The following KIF1B variants were observed in gnomAD, a reference collection of about 807,000 sequenced individuals.
The protein encoded by KIF1B is kinesin-like protein KIF1B.
Under a neutral mutation model 241.9 loss-of-function variants are expected in KIF1B, and 76 were observed. The observed-to-expected ratio is 0.31, with a 90% CI of 0.26 to 0.38. KIF1B has a LOEUF of 0.38. KIF1B is among the 10% of genes least tolerant of loss of function. The pLI is 1.00. For synonymous variants in KIF1B, 750 were observed against 796.7 expected (o/e 0.94, Z 0.99); for missense variants, 1,622 against 2,271.4 (o/e 0.71, Z 5.81).
chr1:10,328,176 A>G (rs1029035128), intron 27 of KIF1B, among the ~76,000 whole-genome samples: 1 of 152,158 alleles, frequency 6.6e-6, no homozygotes, highest in East Asian at 1.9e-4. Flanking sequence ...GGGACAGAGC[A>G]AGACCCCAAG....
intron 27 of KIF1B, among the ~76,000 whole-genome samples, chr1:10,332,146 C>A (rs949151293): frequency 1.3e-5 from 2 of 151,126 alleles, no homozygotes; most frequent in African/African-American, 4.9e-5. Flanking sequence ...CTCACTGCAA[C>A]CTTCACCTCC....
intron 2 of KIF1B, among the ~76,000 whole-genome samples, chr1:10,244,075 ATATG>A (rs1381299090): frequency 6.6e-6 from 1 of 152,142 alleles, no homozygotes; most frequent in African/African-American, 2.4e-5. Flanking sequence ...TATACAGTGA[ATATG>A]TATAGTACAT....
intron 38 of KIF1B, among the ~76,000 whole-genome samples, chr1:10,359,230 C>G (rs1173159054): frequency 6.6e-6 from 1 of 152,160 alleles, no homozygotes; most frequent in African/African-American, 2.4e-5. Context: ...CTAGAAAAGG[C>G]AGCCATAGTG....
At chr1:10,292,584 C>A (rs1650051645) in intron 17 of KIF1B, among the ~76,000 whole-genome samples, 1 of 152,200 alleles carries the variant, frequency 6.6e-6, no homozygotes, top group South Asian at 2.1e-4. Context: ...TTATAGACAG[C>A]CATTGTACTA....
chr1:10,271,480 C>A (rs745900400), intron 7 of KIF1B, 22 bp from the exon 8 acceptor site: 1 of 1,562,324 alleles, frequency 6.4e-7, no homozygotes, highest in Non-Finnish European at 8.8e-7. Context: ...TGAATTGCCC[C>A]CATGTTATTG....
chr1:10,296,783 A>G (rs1048454517), intron 20 of KIF1B, 114 bp from the exon 21 acceptor site: 20 of 1,388,486 alleles, frequency 1.4e-5, no homozygotes, highest in Admixed American at 1.9e-5. Context: ...TTGTTCTTGT[A>G]AAAACAACAG....
chr1:10,226,645 C>T (rs1487438836), intron 1 of KIF1B, among the ~76,000 whole-genome samples: 1 of 152,142 alleles, frequency 6.6e-6, no homozygotes, highest in African/African-American at 2.4e-5. Flanking sequence ...TAATACCCAG[C>T]CTATCTTCAG....
At chr1:10,355,154 T>A (rs1274520724) in intron 38 of KIF1B, among the ~76,000 whole-genome samples, 1 of 152,202 alleles carries the variant, frequency 6.6e-6, no homozygotes, top group Non-Finnish European at 1.5e-5. Flanking sequence ...TCTGGCATTT[T>A]CCTTAGTTGG....
chr1:10,294,934 C>G (rs1156537052), intron 17 of KIF1B, 152 bp from the exon 18 acceptor site: 1 of 682,952 alleles, frequency 1.5e-6, no homozygotes, highest in African/African-American at 1.8e-5. Context: ...AGTGTTTTCT[C>G]TTTATTATGG....
At position 10,304,471 on chromosome 1, in the gene KIF1B, C is replaced by T. The variant is rs754290500; in HGVS notation, c.2115+7225C>T. 41 of 1,610,132 alleles carry T rather than the reference C, an allele frequency of 2.5e-5. No individual in the cohort carries two copies. In the Admixed American group the frequency reaches 3.7e-4, roughly 14 times the overall value. Reference sequence around the variant, plus strand: ...CCAGGCAAAGCGCCATATTCATCAACACCGTCAGTCTTACTGTAATTATAA... The same window carrying T: ...CCAGGCAAAGCGCCATATTCATCAATACCGTCAGTCTTACTGTAATTATAA... On this transcript the variant is annotated intron_variant, in intron 22 of 48. Transcript: ENST00000676179.
In KIF1B at chr1:10,346,485, C is replaced by T. The variant is rs370098794; in HGVS notation, c.3797+532C>T. On this transcript the variant is annotated intron_variant, in intron 35 of 48. Transcript: ENST00000676179. ...GTTCAAGCGATTCTCCTGCCTCAGCCTCCTGTGTAGCTGGGATTACAGGTG... is the reference window on the plus strand; with the variant it reads ...GTTCAAGCGATTCTCCTGCCTCAGCTTCCTGTGTAGCTGGGATTACAGGTG... Among the ~76,000 whole-genome samples, 38 of 152,240 alleles carry T rather than the reference C, an allele frequency of 2.5e-4. No individual in the cohort carries two copies. The East Asian group carries it at 6.4e-3, about 26-fold the overall frequency.
At chr1:10,339,107 A>G (rs1455219988) in intron 31 of KIF1B, among the ~76,000 whole-genome samples, 1 of 152,180 alleles carries the variant, frequency 6.6e-6, no homozygotes, top group African/African-American at 2.4e-5. Context: ...AGAGAGAACG[A>G]TAACATCTCA....
intron 16 of KIF1B, among the ~76,000 whole-genome samples, chr1:10,291,427 T>C (rs532531113): frequency 6.6e-6 from 1 of 152,196 alleles, no homozygotes; most frequent in South Asian, 2.1e-4. Flanking sequence ...ATGGAACATA[T>C]TGGCCAGGCG....
chr1:10,248,227 G>T (rs1461513403), intron 2 of KIF1B, among the ~76,000 whole-genome samples: 1 of 152,014 alleles, frequency 6.6e-6, no homozygotes, highest in Non-Finnish European at 1.5e-5. Context: ...ACAGGGTCTC[G>T]TTATGTTGCC....
chr1:10,298,060 A>G (rs1201450044), intron 22 of KIF1B, among the ~76,000 whole-genome samples: 1 of 152,222 alleles, frequency 6.6e-6, no homozygotes, highest in Non-Finnish European at 1.5e-5. Flanking sequence ...AAGCCAACCA[A>G]ACAACCAATT....
At chr1:10,238,740 A>G (rs995498721) in intron 2 of KIF1B, among the ~76,000 whole-genome samples, 2 of 150,970 alleles carry the variant, frequency 1.3e-5, no homozygotes, top group Admixed American at 1.3e-4. Flanking sequence ...CAACAACAAA[A>G]AACACCAAAA....
chr1:10,375,089 C>CGTA, intron 47 of KIF1B, 43 bp downstream of exon 47: 1 of 1,597,032 alleles, frequency 6.3e-7, no homozygotes, highest in South Asian at 1.1e-5. Flanking sequence ...CACGTGTGCC[C>CGTA]TTCTCTTTTG....
In KIF1B at chr1:10,339,770, T is replaced by G; in HGVS notation, c.3424T>G (p.Phe1142Val). The G allele has an allele frequency of 6.2e-7, 1 of 1,613,816 alleles. No individual in the cohort carries two copies. The highest frequency in any genetic ancestry group is 8.5e-7 in the Non-Finnish European group (1 of 1,179,744). The change falls in exon 32 of 49, where the codon TTT (phenylalanine) becomes GTT (valine). Residue 1142 changes from phenylalanine to valine, a missense_variant and splice_region_variant. By Grantham distance (50) the Phe-to-Val change is conservative. Around this residue, in one of 7 missense-constraint regions of KIF1B, gnomAD observed 803 missense variants for 1,112.0 expected, o/e 0.72. Transcript: ENST00000676179. ...EYADIFCQFNFLHRHDEAFST... is the reference protein window; with the variant it reads ...EYADIFCQFNVLHRHDEAFST... ...AGTCTTTTTATTTTTTTTATGAAGC[T>G]TTTTGCATCGCCATGATGAAGCATT...
In KIF1B at chr1:10,375,187, A is replaced by G. The variant is rs1044947175; in HGVS notation, c.5290-68A>G. 1.6e-5 allele frequency: 24 copies of G among 1,478,468 alleles called. No individual in the cohort carries two copies. The Admixed American group carries it at 4.0e-4, about 25-fold the overall frequency. 91.6% of individuals were successfully genotyped at this position (1,478,468 alleles called of 1,614,324 possible). A position where few individuals can be genotyped will look rare whatever the true frequency, so the allele number is the denominator to read the frequency against. Reference sequence around the variant, plus strand: ...TTGTGAAGTGCTATATGCCTTGGGAATATGGCAAGGCAGTCCCCATTGCTG... The same window carrying G: ...TTGTGAAGTGCTATATGCCTTGGGAGTATGGCAAGGCAGTCCCCATTGCTG... On this transcript the variant is annotated intron_variant, in intron 47 of 48. Transcript: ENST00000676179.
Sources: gnomAD v4.1 joint callset for allele counts (sites outside exome capture counted in the v4.1 genomes callset) on GRCh38, gnomAD v4.1.1 for gene constraint, gnomAD v4.1.1 regional missense constraint, MANE v1.5 for transcripts, NCBI Gene and HGNC (gene_info 2026-07-23, HGNC 2026-07-21) for gene names.